ELMOD1: variants seen among roughly 807,000 people sequenced by gnomAD.
The protein encoded by ELMOD1 is ELMO domain-containing protein 1.
ELMOD1 carries 21 observed loss-of-function variants against 46.7 expected under a neutral mutation model. The observed-to-expected ratio is 0.45, with a 90% CI of 0.32 to 0.65. The LOEUF (loss-of-function observed/expected upper bound fraction) is 0.65, where lower values mean the gene tolerates loss of function less well. ELMOD1 is among the 30% of genes least tolerant of loss of function. The pLI, the probability that ELMOD1 is intolerant of heterozygous loss-of-function variation, is 0.04. For missense variants in ELMOD1, 348 were observed against 407.8 expected (o/e 0.85, Z 1.26); for synonymous variants, 122 against 138.2 (o/e 0.88, Z 0.82).
chr11:107,639,983 A>C (rs1213936140), intron 6 of ELMOD1, among the ~76,000 whole-genome samples: 10 of 152,142 alleles, frequency 6.6e-5, no homozygotes, highest in Non-Finnish European at 1.5e-5. Context: ...AGAGAATCGA[A>C]ATAGCTCAAG....
chr11:107,659,811 C>T (rs1414800087), intron 11 of ELMOD1, among the ~76,000 whole-genome samples: 1 of 151,998 alleles, frequency 6.6e-6, no homozygotes, highest in African/African-American at 2.4e-5. Context: ...CCTGTAATCC[C>T]AGCACTTTGG....
At chr11:107,619,629 G>T (rs1254483201) in intron 2 of ELMOD1, among the ~76,000 whole-genome samples, 1 of 152,148 alleles carries the variant, frequency 6.6e-6, no homozygotes, top group South Asian at 2.1e-4. Flanking sequence ...AACTTGAGCA[G>T]CCTCAAAACC....
In ELMOD1 at chr11:107,654,215, G is replaced by T; in HGVS notation, c.691G>T (p.Ala231Ser). 6.3e-7 allele frequency: 1 copy of T among 1,591,010 alleles called. No individual in the cohort carries two copies. The change falls in exon 10 of 12, where the codon GCA (alanine) becomes TCA (serine). Residue 231 changes from alanine to serine, a missense_variant. Coordinates refer to ENST00000265840, the MANE Select transcript of ELMOD1 (RefSeq NM_018712.4). ...ATGGGAGAAGAAAAGGATGGATAAG[G>T]CAATTGGGTGAGTATGGGATCTCAC... ...AEWEKKRMDKAIGYSFAIVGI... is the reference protein window; with the variant it reads ...AEWEKKRMDKSIGYSFAIVGI...
chr11:107,597,010 G>T (rs1018250957), intron 1 of ELMOD1, among the ~76,000 whole-genome samples: 2 of 152,166 alleles, frequency 1.3e-5, no homozygotes, highest in African/African-American at 4.8e-5. Flanking sequence ...CTGGAATGTA[G>T]TGTCATAGCT....
intron 2 of ELMOD1, among the ~76,000 whole-genome samples, chr11:107,629,716 AG>A (rs1473095286): frequency 2.0e-5 from 3 of 152,234 alleles, no homozygotes; most frequent in Non-Finnish European, 4.4e-5. Context: ...ACTTCTCAAG[AG>A]GAGTTTTTGA....
intron 6 of ELMOD1, among the ~76,000 whole-genome samples, chr11:107,638,429 CTG>C (rs1294704171): frequency 7.9e-5 from 12 of 152,120 alleles, no homozygotes; most frequent in Admixed American, 7.2e-4. Context: ...GATGAGGAAA[CTG>C]AAGCTGAGCA....
intron 1 of ELMOD1, among the ~76,000 whole-genome samples, chr11:107,607,211 A>G (rs1004926992): frequency 2.0e-5 from 3 of 152,208 alleles, no homozygotes; most frequent in Non-Finnish European, 4.4e-5. Flanking sequence ...ATCAGACTCT[A>G]GAAGGGCCAC....
chr11:107,661,744 C>T (rs1392507981), intron 11 of ELMOD1, among the ~76,000 whole-genome samples: 1 of 152,178 alleles, frequency 6.6e-6, no homozygotes, highest in African/African-American at 2.4e-5. Context: ...ACTTTAGTGA[C>T]ACAAGTTTCA....
rs192957356 is a variant in ELMOD1 at position 107,607,446 on chromosome 11, A to T, written c.-85-10659A>T. ...TGAGGCAGGCGGATCACTTTAGCTCAGGAGTTCAAGACCAGCCTGGGCAAC... is the reference window on the plus strand; with the variant it reads ...TGAGGCAGGCGGATCACTTTAGCTCTGGAGTTCAAGACCAGCCTGGGCAAC... On this transcript the variant is annotated intron_variant, in intron 1 of 11. Transcript: ENST00000265840. 2.5e-4 allele frequency among the ~76,000 whole-genome samples: 38 copies of T among 152,292 alleles called. 1 individual carries two copies. The East Asian group carries it at 7.1e-3, about 29-fold the overall frequency.
chr11:107,661,274 G>A (rs570147561), intron 11 of ELMOD1, among the ~76,000 whole-genome samples: 1 of 152,260 alleles, frequency 6.6e-6, no homozygotes, highest in South Asian at 2.1e-4. Context: ...TTGTGTGTAA[G>A]GTAGGAAAAT....
At chr11:107,624,172 T>A (rs1866002288) in intron 2 of ELMOD1, among the ~76,000 whole-genome samples, 1 of 152,228 alleles carries the variant, frequency 6.6e-6, no homozygotes, top group South Asian at 2.1e-4. Context: ...TTTATTTATA[T>A]GTTTACTTAA....
At chr11:107,604,761 T>C (rs568450892) in intron 1 of ELMOD1, among the ~76,000 whole-genome samples, 1 of 152,324 alleles carries the variant, frequency 6.6e-6, no homozygotes, top group East Asian at 1.9e-4. Context: ...TTGCTTTACC[T>C]TATGAATTGT....
Position 107,618,126 on chromosome 11 carries a change from G to T in ELMOD1, c.-64G>T. 1 of 1,536,854 alleles carries T rather than the reference G, an allele frequency of 6.5e-7. No individual in the cohort carries two copies. The highest frequency in any genetic ancestry group is 8.8e-7 in the Non-Finnish European group (1 of 1,133,046). On this transcript the variant is annotated 5_prime_UTR_variant, in exon 2 of 12. Transcript: ENST00000265840. The stretch of plus-strand genomic sequence containing the variant: ...ACAGTTGACACTTACTTTGACAAAG[G>T]CAAATTTGGAAGCAATTACTTGAGG...
chr11:107,604,219 A>G (rs992700894), intron 1 of ELMOD1, among the ~76,000 whole-genome samples: 1 of 152,234 alleles, frequency 6.6e-6, no homozygotes, highest in East Asian at 1.9e-4. Flanking sequence ...ATGTATGGAT[A>G]CATACACTGG....
Position 107,637,625 on chromosome 11 carries a change from G to A in ELMOD1, c.420+1860G>A, listed in dbSNP as rs915334525. On this transcript the variant is annotated intron_variant, in intron 6 of 11. Coordinates refer to ENST00000265840, the MANE Select transcript of ELMOD1 (RefSeq NM_018712.4). ...GGAGAATTGCTTGAACCCAGGAGGC[G>A]GAGGTTGCAATGAGCCTAGATCGCA... is the stretch of plus-strand genomic sequence containing the variant. 3.6e-4 allele frequency among the ~76,000 whole-genome samples: 54 copies of A among 152,006 alleles called. 1 individual carries two copies. The highest frequency in any genetic ancestry group is 3.4e-3 in the Middle Eastern group (1 of 294).
chr11:107,655,089 A>T (rs1375206463), intron 10 of ELMOD1, among the ~76,000 whole-genome samples: 1 of 152,148 alleles, frequency 6.6e-6, no homozygotes, highest in Non-Finnish European at 1.5e-5. Flanking sequence ...AAAATCACCC[A>T]ATCTTATTAC....
intron 1 of ELMOD1, among the ~76,000 whole-genome samples, chr11:107,605,885 T>C (rs934679564): frequency 6.6e-5 from 10 of 152,242 alleles, no homozygotes; most frequent in Non-Finnish European, 1.3e-4. Flanking sequence ...GAAATGTAAA[T>C]GGATAATTTG....
intron 11 of ELMOD1, among the ~76,000 whole-genome samples, chr11:107,664,091 T>C (rs599271): frequency 0.097 from 14,777 of 152,098 alleles, 1,630 homozygotes; most frequent in East Asian, 0.3. Flanking sequence ...GCTCAGGTGA[T>C]CCACCTCAGC....
Position 107,611,675 on chromosome 11 carries a change from A to C in ELMOD1, c.-85-6430A>C, listed in dbSNP as rs1308135178. ...AGCATAGATCAAGCCACTGCACTCC[A>C]TCTTGGGCAACAGAGCCAGACTCCA... On this transcript the variant is annotated intron_variant, in intron 1 of 11. Coordinates refer to ENST00000265840, the MANE Select transcript of ELMOD1 (RefSeq NM_018712.4). Among the ~76,000 whole-genome samples, 4 of 140,134 alleles carry C rather than the reference A, an allele frequency of 2.9e-5. No homozygotes were observed. In the South Asian group the frequency reaches 9.3e-4, roughly 33 times the overall value. 91.9% of individuals were successfully genotyped at this position (140,134 alleles called of 152,430 possible). A position where few individuals can be genotyped will look rare whatever the true frequency, so the allele number is the denominator to read the frequency against.
Sources: gnomAD v4.1 joint callset for allele counts (sites outside exome capture counted in the v4.1 genomes callset) on GRCh38, gnomAD v4.1.1 for gene constraint, MANE v1.5 for transcripts, NCBI Gene and HGNC (gene_info 2026-07-23, HGNC 2026-07-21) for gene names.